Variants in SWI5 observed in about 807,000 individuals in gnomAD.
SWI5 encodes the protein DNA repair protein SWI5 homolog.
A neutral mutation model predicts 17.0 loss-of-function variants in SWI5; 12 were observed. The observed-to-expected ratio is 0.71, with a 90% CI of 0.45 to 1.14. The LOEUF (loss-of-function observed/expected upper bound fraction) is 1.14, where lower values mean the gene tolerates loss of function less well. Among genes scored for constraint, SWI5 ranks in the 50% most tolerant of loss-of-function variants. SWI5 has a pLI of 0.00. For missense variants in SWI5, 158 were observed against 162.2 expected (o/e 0.97, Z 0.14); for synonymous variants, 61 against 64.0 (o/e 0.95, Z 0.22).
In SWI5 at chr9:128,285,984, C is replaced by T. The variant is rs370235235; in HGVS notation, c.279C>T (p.His93=). 1.1e-5 allele frequency: 18 copies of T among 1,614,084 alleles called. No individual in the cohort carries two copies. The African/African-American group carries it at 1.9e-4, about 17-fold the overall frequency. ...TGGAGGACCACATTACCCAGCTTCA[C>T]GAGTACAATGACATCAAGGATGTGG... is the stretch of plus-strand genomic sequence containing the variant. Residue 93 remains histidine, a synonymous_variant, in exon 4 of 5, where the codon CAC becomes CAT. Coordinates refer to ENST00000418976, the Ensembl canonical transcript of SWI5. The surrounding 1 kb of genome is among the most constrained non-coding windows in gnomAD (Gnocchi z 4.8).
At chr9:128,280,849 A>C (rs1453171122) in intron 2 of SWI5, among the ~76,000 whole-genome samples, 1 of 151,126 alleles carries the variant, frequency 6.6e-6, no homozygotes, top group African/African-American at 2.4e-5. Context: ...CTATCCCCTC[A>C]CTCACCCATT....
At chr9:128,276,550 T>C (rs1340194688) in intron 1 of SWI5, 148 bp downstream of exon 1, 3 of 1,584,376 alleles carry the variant, frequency 1.9e-6, no homozygotes, top group Middle Eastern at 1.7e-4. Context: ...AGAGGGTCTC[T>C]ACCCTGATCC....
intron 2 of SWI5, among the ~76,000 whole-genome samples, chr9:128,280,085 T>C (rs1407848641): frequency 1.3e-5 from 2 of 152,200 alleles, no homozygotes; most frequent in African/African-American, 2.4e-5. Context: ...TATATCTAAT[T>C]TGTGTTGTGA....
At chr9:128,275,880 C>T (rs748510536), upstream of SWI5, 7 of 1,481,876 alleles carry the variant, frequency 4.7e-6, no homozygotes, top group South Asian at 3.6e-5. Flanking sequence ...GGCCGCGACC[C>T]GGTGCACTTT....
chr9:128,284,978 AAAG>A (rs1831611752), intron 3 of SWI5, among the ~76,000 whole-genome samples: 1 of 149,598 alleles, frequency 6.7e-6, no homozygotes, highest in South Asian at 2.1e-4. Context: ...AAAAAAAAAA[AAAG>A]GTTTAACTCT....
chr9:128,281,361 T>C (rs1831535737), intron 2 of SWI5, among the ~76,000 whole-genome samples: 1 of 152,020 alleles, frequency 6.6e-6, no homozygotes, highest in Non-Finnish European at 1.5e-5. Context: ...TCATCAGATA[T>C]TTTCATTGTG....
chr9:128,284,395 A>G, intron 2 of SWI5, 115 bp from the exon 3 acceptor site: 1 of 1,219,036 alleles, frequency 8.2e-7, no homozygotes. Flanking sequence ...AGTCTTATTG[A>G]GGGGGTTAGG....
chr9:128,286,339 T>A, intron 4 of SWI5: 1 of 314,830 alleles, frequency 3.2e-6, no homozygotes, highest in Admixed American at 4.1e-5. Flanking sequence ...GTGATCAAGA[T>A]ACCGTCCATG....
At chr9:128,278,723 G>A (rs765348615) in intron 2 of SWI5, 10 of 464,562 alleles carry the variant, frequency 2.2e-5, no homozygotes, top group South Asian at 1.6e-5. Context: ...TAGCCAGGAC[G>A]TGGCAGAGCT....
chr9:128,276,540 A>G, intron 1 of SWI5, 138 bp downstream of exon 1: 2 of 1,571,786 alleles, frequency 1.3e-6, no homozygotes, highest in Non-Finnish European at 1.7e-6. Context: ...CCCCCTTCCT[A>G]GAGGGTCTCT....
chr9:128,284,357 T>A (rs1436682919), intron 2 of SWI5, among the ~76,000 whole-genome samples, 153 bp from the exon 3 acceptor site: 1 of 150,084 alleles, frequency 6.7e-6, no homozygotes, highest in East Asian at 2.0e-4. Context: ...TAGGGCCACA[T>A]CTAATTCCAA....
In SWI5 at chr9:128,284,304, A is replaced by T. The variant is rs1164305826; in HGVS notation, c.112-206A>T. 2.6e-5 allele frequency among the ~76,000 whole-genome samples: 4 copies of T among 151,866 alleles called. No individual in the cohort carries two copies. The South Asian group carries it at 8.3e-4, about 32-fold the overall frequency. On this transcript the variant is annotated intron_variant, in intron 2 of 4. Transcript: ENST00000418976. Reference sequence around the variant, plus strand: ...ACTCCGTCTCAAAAAAAAAAAAAAAAAAAATCCCAGATGATTAAGTTCTAC... The same window carrying T: ...ACTCCGTCTCAAAAAAAAAAAAAAATAAAATCCCAGATGATTAAGTTCTAC...
intron 3 of SWI5, 63 bp downstream of exon 3, chr9:128,284,694 G>A (rs1831605218): frequency 3.8e-6 from 6 of 1,567,862 alleles, no homozygotes; most frequent in Middle Eastern, 1.8e-4. Flanking sequence ...AGTGGTTCAC[G>A]CCTGTAATCC....
chr9:128,278,890 A>C (rs1831485643), intron 2 of SWI5, among the ~76,000 whole-genome samples: 1 of 152,050 alleles, frequency 6.6e-6, no homozygotes, highest in Non-Finnish European at 1.5e-5. Context: ...CTCCAGCCTC[A>C]GCCTCCCTAG....
chr9:128,284,067 G>C (rs754675195), intron 2 of SWI5, among the ~76,000 whole-genome samples: 1 of 151,896 alleles, frequency 6.6e-6, no homozygotes, highest in Non-Finnish European at 1.5e-5. Flanking sequence ...GGAGACCGAG[G>C]TGGGCAGATC....
At chr9:128,288,965 G>A in exon 5 of SWI5, 1 of 554,728 alleles carries the variant, frequency 1.8e-6, no homozygotes, top group East Asian at 3.0e-5. Context: ...TACTTTATTT[G>A]TCAATAAACG....
At chr9:128,281,133 G>T (rs555074358) in intron 2 of SWI5, among the ~76,000 whole-genome samples, 2 of 140,800 alleles carry the variant, frequency 1.4e-5, no homozygotes, top group African/African-American at 5.3e-5. Flanking sequence ...CACCTCCCAG[G>T]TTCAAGGGAT....
intron 2 of SWI5, among the ~76,000 whole-genome samples, chr9:128,280,631 C>T (rs1162241386): frequency 6.6e-6 from 1 of 152,032 alleles, no homozygotes; most frequent in Non-Finnish European, 1.5e-5. Context: ...GATTCGCCTA[C>T]CTCAGCCTCC....
chr9:128,288,622 G>A, intron 4 of SWI5, 30 bp from the exon 5 acceptor site: 1 of 1,613,386 alleles, frequency 6.2e-7, no homozygotes, highest in Admixed American at 1.7e-5. Flanking sequence ...TCTCCCCACT[G>A]CACATTCAGC....
Sources: allele counts gnomAD v4.1 joint callset (sites outside exome capture counted in the v4.1 genomes callset), GRCh38; gene constraint gnomAD v4.1.1; non-coding constraint Gnocchi (gnomAD v3.1); transcripts MANE v1.5; gene names NCBI Gene and HGNC (gene_info 2026-07-23, HGNC 2026-07-21).